HIVEP3: variants seen among roughly 807,000 people sequenced by gnomAD.
The protein encoded by HIVEP3 is transcription factor HIVEP3.
Under a neutral mutation model 152.8 loss-of-function variants are expected in HIVEP3, and 49 were observed. That is an observed-to-expected ratio of 0.32 (90% CI 0.26 to 0.41). The LOEUF is 0.41. HIVEP3 is among the 10% of genes least tolerant of loss of function. HIVEP3 has a pLI of 1.00. For missense variants in HIVEP3, 2,790 were observed against 3,103.3 expected (o/e 0.90, Z 2.40); for synonymous variants, 1,269 against 1,289.0 (o/e 0.98, Z 0.33).
At chr1:41,823,563 T>C (rs1642669599) in intron 1 of HIVEP3, among the ~76,000 whole-genome samples, 1 of 152,204 alleles carries the variant, frequency 6.6e-6, no homozygotes, top group African/African-American at 2.4e-5. Context: ...AGTCCCTGAC[T>C]TCTCCCTGGC....
At chr1:41,712,954 C>T (rs1646536944) in intron 1 of HIVEP3, among the ~76,000 whole-genome samples, 1 of 152,174 alleles carries the variant, frequency 6.6e-6, no homozygotes, top group African/African-American at 2.4e-5. Flanking sequence ...GCTTGTCCTT[C>T]CCTCTGCCAC....
intron 1 of HIVEP3, among the ~76,000 whole-genome samples, chr1:41,860,403 T>C (rs1211068329): frequency 6.6e-6 from 1 of 152,176 alleles, no homozygotes; most frequent in Non-Finnish European, 1.5e-5. Flanking sequence ...GCTATAACTT[T>C]TTTCCCTGCT....
At chr1:41,858,538 T>G (rs1048759784) in intron 1 of HIVEP3, among the ~76,000 whole-genome samples, 4 of 152,162 alleles carry the variant, frequency 2.6e-5, no homozygotes, top group African/African-American at 9.7e-5. Flanking sequence ...TCTCCTAGGA[T>G]ATGTGCTCAT....
At chr1:41,925,961 G>T (rs560555888) in intron 1 of HIVEP3, among the ~76,000 whole-genome samples, 8 of 152,194 alleles carry the variant, frequency 5.3e-5, no homozygotes, top group African/African-American at 1.4e-4. Flanking sequence ...TAATTTCCCA[G>T]CCATACTCTT....
Position 41,581,715 on chromosome 1 carries a change from G to T in HIVEP3, c.3083C>A (p.Pro1028Gln). The change falls in exon 4 of 9, where the codon CCA becomes CAA. Residue 1028 changes from proline to glutamine, a missense_variant. This residue lies in a region of HIVEP3 where 1,078 missense variants were observed against 1,165.3 expected (regional missense o/e 0.93). Coordinates refer to ENST00000372583, the MANE Select transcript of HIVEP3 (RefSeq NM_024503.5). The surrounding 1 kb of genome is among the most constrained non-coding windows in gnomAD (Gnocchi z 4.5). Reference protein sequence around the residue: ...LSLTGPSAPAPVAPPARVAPP... With the variant: ...LSLTGPSAPAQVAPPARVAPP... ...GGCCACCCGCGCTGGTGGAGCCACTGGGGCTGGAGCAGAAGGGCCTGTCAA... is the reference window on the plus strand; with the variant it reads ...GGCCACCCGCGCTGGTGGAGCCACTTGGGCTGGAGCAGAAGGGCCTGTCAA... The T allele has an allele frequency of 1.2e-6, 2 of 1,612,778 alleles. No individual in the cohort carries two copies. Among genetic ancestry groups the T allele is most frequent in the Non-Finnish European group, 1.7e-6 (2 of 1,179,474 alleles).
At chr1:41,740,005 C>A (rs953950011) in intron 1 of HIVEP3, among the ~76,000 whole-genome samples, 11 of 152,236 alleles carry the variant, frequency 7.2e-5, no homozygotes, top group Non-Finnish European at 1.6e-4. Context: ...AGTTGTCTAT[C>A]CCCATTTTAG....
At chr1:41,611,786 A>G (rs1221494062) in intron 3 of HIVEP3, among the ~76,000 whole-genome samples, 1 of 152,200 alleles carries the variant, frequency 6.6e-6, no homozygotes, top group Non-Finnish European at 1.5e-5. Flanking sequence ...GCCTGATTCC[A>G]TATCGGAAAA....
In HIVEP3 at chr1:41,510,726, G is replaced by T. The variant is rs777948023; in HGVS notation, c.6946C>A (p.Pro2316Thr). 1.2e-5 allele frequency: 18 copies of T among 1,546,160 alleles called. No individual in the cohort carries two copies. The South Asian group carries it at 1.8e-4, about 15-fold the overall frequency. ...HSPCTPPDTL[P>T]RPPQGRRAAQ... The stretch of plus-strand genomic sequence containing the variant: ...GCCCGGCGTCCCTGGGGCGGCCGGG[G>T]CAAGGTGTCGGGTGGGGTGCAGGGG... Residue 2316 changes from proline to threonine, a missense_variant, in exon 9 of 9, where the codon CCC becomes ACC. Transcript: ENST00000372583.
chr1:41,577,998 T>C (rs1644351509), intron 4 of HIVEP3, among the ~76,000 whole-genome samples: 1 of 152,254 alleles, frequency 6.6e-6, no homozygotes, highest in Admixed American at 6.5e-5. Flanking sequence ...AATTGCCGAA[T>C]CCAAATTAAC....
intron 4 of HIVEP3, among the ~76,000 whole-genome samples, chr1:41,576,480 G>A (rs1181548540): frequency 6.6e-6 from 1 of 152,230 alleles, no homozygotes; most frequent in Non-Finnish European, 1.5e-5. Context: ...AGTGTTGTCA[G>A]GGGTGGGTGC....
intron 1 of HIVEP3, among the ~76,000 whole-genome samples, chr1:41,904,100 T>G (rs72965216): frequency 0.086 from 13,075 of 151,998 alleles, 1,806 homozygotes; most frequent in African/African-American, 0.29. Flanking sequence ...TATTGCTACG[T>G]TGCCCAGGCT....
rs541412461 is a variant in HIVEP3 at position 41,639,126 on chromosome 1, G to C, written c.-720-10179C>G. On this transcript the variant is annotated intron_variant, in intron 2 of 8. Coordinates refer to ENST00000372583, the MANE Select transcript of HIVEP3 (RefSeq NM_024503.5). ...TGATCTGTGTGGGGCAGGGAATTGT[G>C]GGATGAATCTTTCTATTTTCAGTTT... Among the ~76,000 whole-genome samples, 3 of 152,320 alleles carry C rather than the reference G, an allele frequency of 2.0e-5. No individual in the cohort carries two copies. The East Asian group carries it at 5.8e-4, about 29-fold the overall frequency.
chr1:41,712,594 G>A (rs941102004), intron 1 of HIVEP3, among the ~76,000 whole-genome samples: 6 of 152,188 alleles, frequency 3.9e-5, no homozygotes, highest in South Asian at 4.1e-4. Flanking sequence ...CATGAGATGC[G>A]CAGGACAATA....
At chr1:41,809,896 C>T (rs1650849820) in intron 1 of HIVEP3, among the ~76,000 whole-genome samples, 1 of 152,176 alleles carries the variant, frequency 6.6e-6, no homozygotes, top group Non-Finnish European at 1.5e-5. Context: ...GGGGACTTTC[C>T]TGAAGCTATA....
At chr1:41,620,050 T>C (rs1645024557) in intron 3 of HIVEP3, among the ~76,000 whole-genome samples, 1 of 151,890 alleles carries the variant, frequency 6.6e-6, no homozygotes, top group Non-Finnish European at 1.5e-5. Flanking sequence ...ATCTGTTGAA[T>C]GAATAAAAGA....
chr1:41,823,621 T>C (rs1008666275), intron 1 of HIVEP3, among the ~76,000 whole-genome samples: 2 of 152,158 alleles, frequency 1.3e-5, no homozygotes, highest in African/African-American at 4.8e-5. Flanking sequence ...TTCTACACTC[T>C]CCACAGGCAT....
chr1:41,514,036 C>A (rs1329659676), intron 7 of HIVEP3, among the ~76,000 whole-genome samples: 1 of 152,232 alleles, frequency 6.6e-6, no homozygotes, highest in Non-Finnish European at 1.5e-5. Flanking sequence ...GAAGCTGGTA[C>A]TGTTCTCATC....
chr1:41,781,726 G>A (rs1461959026), intron 1 of HIVEP3, among the ~76,000 whole-genome samples: 1 of 152,134 alleles, frequency 6.6e-6, no homozygotes, highest in Non-Finnish European at 1.5e-5. Flanking sequence ...TCCTCAATAC[G>A]CCTCCTTGAC....
Position 41,513,464 on chromosome 1 carries a change from C to G in HIVEP3, c.5757G>C (p.Ser1919=). The G allele has an allele frequency of 6.2e-7, 1 of 1,611,326 alleles. No individual in the cohort carries two copies. The change falls in exon 8 of 9, where the codon TCG becomes TCC. Residue 1919 remains serine (S), a synonymous_variant. Coordinates refer to ENST00000372583, the MANE Select transcript of HIVEP3 (RefSeq NM_024503.5). ...TGCTGGCTGTCAGGCGCTCAGCTTC[C>G]GAGACCGAGCTGCCTCGTGTAGCCT... ...GTEATRGSSV[S]EAERLTASSC...
Sources: allele counts gnomAD v4.1 joint callset (sites outside exome capture counted in the v4.1 genomes callset), GRCh38; gene constraint gnomAD v4.1.1; regional missense constraint gnomAD v4.1.1; non-coding constraint Gnocchi (gnomAD v3.1); transcripts MANE v1.5; gene names NCBI Gene and HGNC (gene_info 2026-07-23, HGNC 2026-07-21).